ADAMTS18: variants seen among roughly 807,000 people sequenced by gnomAD.
ADAMTS18 encodes A disintegrin and metalloproteinase with thrombospondin motifs 18.
In ADAMTS18, 157 loss-of-function variants were observed where a neutral mutation model predicts 165.9. That is an observed-to-expected ratio of 0.95 (90% CI 0.83 to 1.08). ADAMTS18 has a LOEUF of 1.08. Among genes scored for constraint, ADAMTS18 ranks in the 50% least tolerant of loss-of-function variants. ADAMTS18 has a pLI of 0.00. For missense variants in ADAMTS18, 2,040 were observed against 1,534.0 expected, an observed-to-expected ratio of 1.33 and a Z score of -5.51; for synonymous variants, 782 against 578.2, an observed-to-expected ratio of 1.35 and a Z score of -5.06.
At chr16:77,431,652 C>A in intron 2 of ADAMTS18, 41 bp from the exon 3 acceptor site, 1 of 1,603,336 alleles carries the variant, frequency 6.2e-7, no homozygotes, top group Non-Finnish European at 8.5e-7. Flanking sequence ...CCAGAGCCCA[C>A]AATTCCAAAT....
At chr16:77,399,702 GCC>G (rs2057301766) in intron 3 of ADAMTS18, among the ~76,000 whole-genome samples, 1 of 152,118 alleles carries the variant, frequency 6.6e-6, no homozygotes, top group Non-Finnish European at 1.5e-5. Flanking sequence ...GTAGTAAAAT[GCC>G]TTGGTTACAC....
chr16:77,428,774 A>G (rs981686701), intron 3 of ADAMTS18, among the ~76,000 whole-genome samples: 1 of 152,096 alleles, frequency 6.6e-6, no homozygotes, highest in African/African-American at 2.4e-5. Flanking sequence ...GAGATGCTCA[A>G]CCAGAATATA....
chr16:77,300,463 G>C (rs893244340), intron 16 of ADAMTS18, 59 bp from the exon 17 acceptor site: 2 of 1,571,514 alleles, frequency 1.3e-6, no homozygotes, highest in African/African-American at 2.7e-5. Context: ...TGGAATTCCA[G>C]AAATCTTACT....
At chr16:77,392,512 A>C (rs891998535) in intron 3 of ADAMTS18, among the ~76,000 whole-genome samples, 2 of 152,064 alleles carry the variant, frequency 1.3e-5, no homozygotes, top group African/African-American at 4.8e-5. Context: ...CCCTGTATGA[A>C]ATCTCCACCC....
rs746738818 is a variant in ADAMTS18, at chr16:77,283,950, C to G, written c.*6G>C. The G allele has an allele frequency of 5.0e-6, 8 of 1,611,462 alleles. No individual in the cohort carries two copies. The South Asian group carries it at 7.7e-5, about 15-fold the overall frequency. ...TGGCCCTAAGGTGCTGGGGAGGACA[C>G]CAAGATCAGATCTTCCTTGTGCATG... On this transcript the variant is annotated 3_prime_UTR_variant, in exon 23 of 23. Coordinates refer to ENST00000282849, the MANE Select transcript of ADAMTS18 (RefSeq NM_199355.4).
At chr16:77,364,149 T>G in intron 5 of ADAMTS18, 39 bp downstream of exon 5, 1 of 1,612,910 alleles carries the variant, frequency 6.2e-7, no homozygotes, top group Non-Finnish European at 8.5e-7. Context: ...ACATTTATTT[T>G]CTTTGGAGAG....
At chr16:77,351,555 C>T (rs1445043530) in intron 10 of ADAMTS18, among the ~76,000 whole-genome samples, 3 of 152,180 alleles carry the variant, frequency 2.0e-5, no homozygotes, top group Non-Finnish European at 2.9e-5. Context: ...TTATTACCAA[C>T]TGTGCTTTTG....
chr16:77,337,350 A>G (rs143882439), intron 11 of ADAMTS18, among the ~76,000 whole-genome samples: 377 of 152,356 alleles, frequency 2.5e-3, no homozygotes, highest in Admixed American at 4.7e-3. Flanking sequence ...GCCACAGGTT[A>G]TCAAGCTGCT....
chr16:77,371,349 C>T (rs1368263048), intron 3 of ADAMTS18, among the ~76,000 whole-genome samples: 3 of 152,140 alleles, frequency 2.0e-5, no homozygotes, highest in Non-Finnish European at 2.9e-5. Context: ...AAAAGGAACA[C>T]AGCTGGAAAC....
In ADAMTS18 at chr16:77,384,123, CTG is replaced by C. The variant is rs893307191; in HGVS notation, c.496-16402_496-16401del. Reference sequence around the variant, plus strand: ...CATTGTTTGGCAGCTGGTAGGAGCTCTGTAAATATTTTTGGTATTAATCAACT... The same window carrying C: ...CATTGTTTGGCAGCTGGTAGGAGCTCTAAATATTTTTGGTATTAATCAACT... On this transcript the variant is annotated intron_variant, in intron 3 of 22. Coordinates refer to ENST00000282849, the MANE Select transcript of ADAMTS18 (RefSeq NM_199355.4). Among the ~76,000 whole-genome samples the C allele has an allele frequency of 6.6e-5, 10 of 152,188 alleles. No individual in the cohort carries two copies. In the East Asian group the frequency reaches 7.8e-4, roughly 12 times the overall value.
intron 14 of ADAMTS18, 36 bp from the exon 15 acceptor site, chr16:77,321,238 A>G (rs2055993081): frequency 1.2e-6 from 2 of 1,613,612 alleles, no homozygotes; most frequent in Admixed American, 1.7e-5. Flanking sequence ...AAAATAAAAG[A>G]TCAGAGAAGC....
intron 16 of ADAMTS18, among the ~76,000 whole-genome samples, chr16:77,314,745 T>G (rs1393469990): frequency 2.8e-5 from 3 of 106,302 alleles, no homozygotes; most frequent in Non-Finnish European, 5.7e-5. Context: ...AAATATGGTC[T>G]CAGGTTTCAT....
At position 77,424,108 on chromosome 16, in the gene ADAMTS18, G is replaced by A. The variant is rs149593697; in HGVS notation, c.495+7187C>T. ...TGAGAAAACCAAGGCCCAGAGACAT[G>A]AAGGAAGCCCAGTACTTACAACACA... is the stretch of plus-strand genomic sequence containing the variant. On this transcript the variant is annotated intron_variant, in intron 3 of 22. Coordinates refer to ENST00000282849, the MANE Select transcript of ADAMTS18 (RefSeq NM_199355.4). Among the ~76,000 whole-genome samples the A allele has an allele frequency of 2.4e-4, 36 of 152,304 alleles. No homozygotes were observed. In the East Asian group the frequency reaches 5.8e-3, roughly 25 times the overall value.
intron 16 of ADAMTS18, among the ~76,000 whole-genome samples, chr16:77,302,536 G>A (rs778804662): frequency 6.6e-6 from 1 of 152,218 alleles, no homozygotes. Context: ...GCAAGCTTAA[G>A]TATAAATGCT....
intron 10 of ADAMTS18, among the ~76,000 whole-genome samples, chr16:77,343,378 T>C (rs8058367): frequency 0.058 from 8,901 of 152,310 alleles, 586 homozygotes; most frequent in African/African-American, 0.16. Flanking sequence ...CTGGCCTGAT[T>C]TTAGCCCTTT....
At chr16:77,291,972 G>A (rs750534202) in intron 20 of ADAMTS18, among the ~76,000 whole-genome samples, 3 of 152,182 alleles carry the variant, frequency 2.0e-5, no homozygotes, top group African/African-American at 4.8e-5. Flanking sequence ...TCACACACAG[G>A]AGGTAACATG....
chr16:77,417,900 T>G (rs1259134203), intron 3 of ADAMTS18, among the ~76,000 whole-genome samples: 1 of 152,192 alleles, frequency 6.6e-6, no homozygotes, highest in African/African-American at 2.4e-5. Flanking sequence ...AGCTCATCGC[T>G]CCTATTCTTA....
At chr16:77,393,758 C>T (rs571484493) in intron 3 of ADAMTS18, among the ~76,000 whole-genome samples, 1 of 152,320 alleles carries the variant, frequency 6.6e-6, no homozygotes, top group East Asian at 1.9e-4. Flanking sequence ...CCTGTTATGG[C>T]AGCCCAAGTG....
At chr16:77,397,203 G>C (rs2057269742) in intron 3 of ADAMTS18, among the ~76,000 whole-genome samples, 1 of 152,120 alleles carries the variant, frequency 6.6e-6, no homozygotes, top group Non-Finnish European at 1.5e-5. Context: ...ATCTAAGTTA[G>C]ACATGGGAAA....
Sources: gnomAD v4.1 joint callset for allele counts (sites outside exome capture counted in the v4.1 genomes callset) on GRCh38, gnomAD v4.1.1 for gene constraint, MANE v1.5 for transcripts, NCBI Gene and HGNC (gene_info 2026-07-23, HGNC 2026-07-21) for gene names.